Variants in TCF20 observed in about 807,000 individuals in gnomAD.
TCF20 encodes transcription factor 20, also known as SPRE-binding protein.
Under a neutral mutation model 148.6 loss-of-function variants are expected in TCF20, and 3 were observed. The observed-to-expected ratio is 0.02, with a 90% CI of 0.01 to 0.05. The LOEUF is 0.05. Ranked by LOEUF, TCF20 falls within the 10% of genes least tolerant of loss-of-function variation. The pLI is 1.00. For synonymous variants in TCF20, 1,049 were observed against 909.5 expected (o/e 1.15, Z -2.76); for missense variants, 2,350 against 2,429.3 (o/e 0.97, Z 0.69).
chr22:42,180,993 C>T (rs999717009), intron 2 of TCF20, among the ~76,000 whole-genome samples: 7 of 152,196 alleles, frequency 4.6e-5, no homozygotes, highest in African/African-American at 1.4e-4. Context: ...CATGTGCCCT[C>T]GCACCCTTGT....
At chr22:42,184,598 T>C (rs919649388) in intron 2 of TCF20, among the ~76,000 whole-genome samples, 13 of 152,130 alleles carry the variant, frequency 8.5e-5, no homozygotes, top group African/African-American at 2.9e-4. Flanking sequence ...TCCTTTGTTT[T>C]TGACCACAGT....
intron 1 of TCF20, among the ~76,000 whole-genome samples, chr22:42,277,877 A>G (rs1235966370): frequency 6.6e-6 from 1 of 152,246 alleles, no homozygotes; most frequent in Non-Finnish European, 1.5e-5. Context: ...CCAAGCTCTC[A>G]AAGGCAAGGC....
chr22:42,235,569 CAATTT>C (rs758797187), intron 1 of TCF20, among the ~76,000 whole-genome samples: 38 of 152,182 alleles, frequency 2.5e-4, no homozygotes, highest in Non-Finnish European at 4.9e-4. Flanking sequence ...ACAAAAAATA[CAATTT>C]TATTTGTACA....
Position 42,213,666 on chromosome 22 carries a change from G to A in TCF20, c.1640C>T (p.Thr547Ile). The A allele has an allele frequency of 6.2e-7, 1 of 1,614,074 alleles. No individual in the cohort carries two copies. The highest frequency in any genetic ancestry group is 8.5e-7 in the Non-Finnish European group (1 of 1,179,982). ...LSGQSTSSDTTYKGGASEKAG... is the reference protein window; with the variant it reads ...LSGQSTSSDTIYKGGASEKAG... ...TTTCTCAGAGGCTCCACCCTTGTAG[G>A]TGGTGTCAGAGCTGGTGCTCTGGCC... The change falls in exon 2 of 6, where the codon ACC becomes ATC. Residue 547 changes from threonine to isoleucine, a missense_variant. Physicochemically the swap from Thr to Ile is moderately conservative, Grantham distance 89. Coordinates refer to ENST00000677622, the MANE Select transcript of TCF20 (RefSeq NM_001378418.1).
intron 1 of TCF20, among the ~76,000 whole-genome samples, chr22:42,245,416 G>A (rs1924823518): frequency 6.6e-6 from 1 of 152,116 alleles, no homozygotes; most frequent in Non-Finnish European, 1.5e-5. Context: ...TCTCGGCCCT[G>A]CAAAAACATG....
In TCF20 at chr22:42,161,304, G is replaced by C. The variant is rs755675695; in HGVS notation, c.*99C>G. On this transcript the variant is annotated 3_prime_UTR_variant, in exon 6 of 6. Coordinates refer to ENST00000677622, the MANE Select transcript of TCF20 (RefSeq NM_001378418.1). ...AGGGCAGGGTGTGGCTGCACGGTAG[G>C]ACGATTTCCATTCCATCACGAGTGT... The C allele has an allele frequency of 1.2e-6, 2 of 1,613,662 alleles. No homozygotes were observed. Among genetic ancestry groups the C allele is most frequent in the South Asian group, 2.2e-5 (2 of 91,078 alleles).
At chr22:42,277,588 AGGGCACAGG>A (rs1378021789) in intron 1 of TCF20, among the ~76,000 whole-genome samples, 2 of 152,146 alleles carry the variant, frequency 1.3e-5, no homozygotes, top group African/African-American at 2.4e-5. Context: ...ATTTCCAGGA[AGGGCACAGG>A]GGCCTGCAGG....
chr22:42,243,685 G>A (rs1460985931), intron 1 of TCF20, among the ~76,000 whole-genome samples: 1 of 152,170 alleles, frequency 6.6e-6, no homozygotes, highest in African/African-American at 2.4e-5. Flanking sequence ...TGTAGCAAAT[G>A]CACCACACTA....
rs760258101 is a variant in TCF20, at chr22:42,212,639, A to G, written c.2667T>C (p.Ser889=). The change falls in exon 2 of 6, where the codon AGT becomes AGC. Residue 889 remains serine (S), a synonymous_variant. Coordinates refer to ENST00000677622, the MANE Select transcript of TCF20 (RefSeq NM_001378418.1). ...CATTCCTCCCAATTCTGGTGTCGGCACTCATGTGTCCCAGTGAGTGAGCCC... is the reference window on the plus strand; with the variant it reads ...CATTCCTCCCAATTCTGGTGTCGGCGCTCATGTGTCCCAGTGAGTGAGCCC... ...DPGAHSLGHM[S]ADTRIGRNDR... is the part of the protein sequence containing the mutation. The G allele has an allele frequency of 1.2e-6, 2 of 1,614,102 alleles. No homozygotes were observed. Among genetic ancestry groups the G allele is most frequent in the East Asian group, 4.5e-5 (2 of 44,876 alleles).
chr22:42,215,415 G>A, intron 1 of TCF20, 74 bp from the exon 2 acceptor site: 4 of 1,485,580 alleles, frequency 2.7e-6, no homozygotes, highest in Non-Finnish European at 2.7e-6. Context: ...AGATGATGGA[G>A]GGAATAAAGA....
intron 3 of TCF20, among the ~76,000 whole-genome samples, chr22:42,175,540 C>T (rs1289540097): frequency 6.6e-6 from 1 of 152,088 alleles, no homozygotes. Context: ...AGGGTTTCAC[C>T]ATGTTGGCCA....
At chr22:42,250,547 G>A (rs553338799) in intron 1 of TCF20, among the ~76,000 whole-genome samples, 69 of 151,740 alleles carry the variant, frequency 4.5e-4, no homozygotes, top group African/African-American at 1.6e-3. Flanking sequence ...TGCTCTTCAG[G>A]AGACTGCACA....
At chr22:42,257,652 G>A (rs1017866520) in intron 1 of TCF20, among the ~76,000 whole-genome samples, 1 of 152,210 alleles carries the variant, frequency 6.6e-6, no homozygotes, top group Middle Eastern at 3.2e-3. Flanking sequence ...AGAGCCTAGT[G>A]AAATGGTGTT....
chr22:42,235,876 G>A (rs1923838336), intron 1 of TCF20, among the ~76,000 whole-genome samples: 1 of 152,086 alleles, frequency 6.6e-6, no homozygotes, highest in South Asian at 2.1e-4. Context: ...CCTCTCTCAG[G>A]TAAAAACTTG....
rs534189098 is a variant in TCF20 at position 42,299,845 on chromosome 22, C to T, written c.-37+43634G>A. On this transcript the variant is annotated intron_variant, in intron 1 of 1. Coordinates refer to the TCF20 transcript ENST00000515426. This position sits in a 1 kb window ranked among gnomAD's most constrained non-coding sequence, Gnocchi z 4.1. ...GGAAGAGAGAAGGGGGAGAAGGAAGCGGAGGGGAGGAGGGAGGAGGGAAAA... is the reference window on the plus strand; with the variant it reads ...GGAAGAGAGAAGGGGGAGAAGGAAGTGGAGGGGAGGAGGGAGGAGGGAAAA... Among the ~76,000 whole-genome samples, 113 of 143,396 alleles carry T rather than the reference C, an allele frequency of 7.9e-4. No individual in the cohort carries two copies. Among genetic ancestry groups the T allele is most frequent in the African/African-American group, 2.7e-3 (103 of 38,504 alleles). 94.1% of individuals were successfully genotyped at this position (143,396 alleles called of 152,430 possible).
At position 42,214,425 on chromosome 22, in the gene TCF20, G is replaced by A. The variant is rs1475672723; in HGVS notation, c.881C>T (p.Pro294Leu). ...YGTQSNYSYQPQSMKNFEQAK... is the reference protein window; with the variant it reads ...YGTQSNYSYQLQSMKNFEQAK... The stretch of plus-strand genomic sequence containing the variant: ...CTGTTCAAAATTCTTCATAGATTGA[G>A]GCTGATAGCTGTAATTGGATTGTGT... Residue 294 changes from proline to leucine, a missense_variant, in exon 2 of 6, where the codon CCT becomes CTT. By Grantham distance (98) the Pro-to-Leu change is moderately conservative. Around this residue, in one of 7 missense-constraint regions of TCF20, gnomAD observed 1,641 missense variants for 1,662.6 expected, o/e 0.99. Transcript: ENST00000677622. The A allele has an allele frequency of 3.1e-6, 5 of 1,614,120 alleles. No individual in the cohort carries two copies. The Admixed American group carries it at 6.7e-5, about 22-fold the overall frequency.
intron 2 of TCF20, among the ~76,000 whole-genome samples, chr22:42,189,256 G>A (rs1937207118): frequency 6.6e-6 from 1 of 152,202 alleles, no homozygotes; most frequent in Non-Finnish European, 1.5e-5. Context: ...TGGCCAGGGG[G>A]TCTGTGAGAT....
At chr22:42,166,358 G>A (rs906105932) in intron 5 of TCF20, among the ~76,000 whole-genome samples, 17 of 152,134 alleles carry the variant, frequency 1.1e-4, no homozygotes, top group South Asian at 1.0e-3. Context: ...CTGTAATCCC[G>A]GCACTTTGAG....
At chr22:42,264,760 C>T (rs1813659258) in intron 1 of TCF20, among the ~76,000 whole-genome samples, 1 of 152,170 alleles carries the variant, frequency 6.6e-6, no homozygotes. Flanking sequence ...TTTTTATTTA[C>T]TGTTTACAGT....
Sources: allele counts gnomAD v4.1 joint callset (sites outside exome capture counted in the v4.1 genomes callset), GRCh38; gene constraint gnomAD v4.1.1; regional missense constraint gnomAD v4.1.1; non-coding constraint Gnocchi (gnomAD v3.1); transcripts MANE v1.5; gene names NCBI Gene and HGNC (gene_info 2026-07-23, HGNC 2026-07-21).